DPYSL5: variants seen among roughly 807,000 people sequenced by gnomAD.
DPYSL5 encodes the protein dihydropyrimidinase-related protein 5.
Under a neutral mutation model 58.4 loss-of-function variants are expected in DPYSL5, and 9 were observed. The observed-to-expected ratio is 0.15, with a 90% CI of 0.09 to 0.27. The LOEUF is 0.27. Ranked by LOEUF, DPYSL5 falls within the 10% of genes least tolerant of loss-of-function variation. The probability of loss-of-function intolerance (pLI) is 1.00; values close to 1 mark genes in which losing one functional copy is unlikely to be tolerated. For synonymous variants in DPYSL5, 293 were observed against 301.9 expected (o/e 0.97, Z 0.31); for missense variants, 499 against 770.6 (o/e 0.65, Z 4.17).
intron 1 of DPYSL5, among the ~76,000 whole-genome samples, chr2:26,890,044 T>C (rs1218547073): frequency 6.6e-6 from 1 of 152,136 alleles, no homozygotes; most frequent in Non-Finnish European, 1.5e-5. Flanking sequence ...GGTAGGAATG[T>C]TTGGGAAGGA....
chr2:26,852,052 C>T (rs1665770498), intron 1 of DPYSL5, among the ~76,000 whole-genome samples: 1 of 152,150 alleles, frequency 6.6e-6, no homozygotes, highest in African/African-American at 2.4e-5. Context: ...AGTCTATCTT[C>T]CTGGTGTGAA....
chr2:26,899,263 T>G (rs1664093677), intron 2 of DPYSL5, among the ~76,000 whole-genome samples: 1 of 152,174 alleles, frequency 6.6e-6, no homozygotes, highest in Non-Finnish European at 1.5e-5. Flanking sequence ...GTGGGCTCTC[T>G]TTTCAGAGTG....
At chr2:26,864,899 G>C (rs1666103569) in intron 1 of DPYSL5, among the ~76,000 whole-genome samples, 1 of 152,118 alleles carries the variant, frequency 6.6e-6, no homozygotes, top group Non-Finnish European at 1.5e-5. Context: ...GTGCTGAGGG[G>C]AGTCCAAGGC....
intron 2 of DPYSL5, among the ~76,000 whole-genome samples, chr2:26,918,515 G>C (rs562039790): frequency 2.8e-3 from 419 of 152,174 alleles, no homozygotes; most frequent in African/African-American, 9.7e-3. Context: ...GTGAATAAAA[G>C]ATGGAAGATA....
intron 9 of DPYSL5, 96 bp downstream of exon 9, chr2:26,940,268 C>T: frequency 6.9e-7 from 1 of 1,445,142 alleles, no homozygotes; most frequent in Non-Finnish European, 9.3e-7. Context: ...TCCTCAGATC[C>T]TGTCAAAGAA....
chr2:26,901,293 C>T (rs1664148189), intron 2 of DPYSL5, among the ~76,000 whole-genome samples: 1 of 152,072 alleles, frequency 6.6e-6, no homozygotes, highest in South Asian at 2.1e-4. Context: ...GTCCTTGTGC[C>T]CCAGCCCTCA....
intron 1 of DPYSL5, among the ~76,000 whole-genome samples, chr2:26,889,119 TG>T (rs1663804905): frequency 6.6e-6 from 1 of 152,136 alleles, no homozygotes; most frequent in South Asian, 2.1e-4. Flanking sequence ...GACATATGAA[TG>T]GGACACAAAC....
At position 26,924,757 on chromosome 2, in the gene DPYSL5, C is replaced by T. The variant is rs1285356500; in HGVS notation, c.262-130C>T. 15 of 1,300,568 alleles carry T rather than the reference C, an allele frequency of 1.2e-5. No homozygotes were observed. Among genetic ancestry groups the T allele is most frequent in the Non-Finnish European group, 1.5e-5 (15 of 976,476 alleles). 80.6% of individuals were successfully genotyped at this position (1,300,568 alleles called of 1,614,324 possible). On this transcript the variant is annotated intron_variant, in intron 2 of 12. Transcript: ENST00000288699. The surrounding 1 kb of genome is among the most constrained non-coding windows in gnomAD (Gnocchi z 4.7). ...CTTTACAGTTTCCCAAACCTCGCTG[C>T]CCTTGGTCCTCACAGCCTCTTGTGA... is the stretch of plus-strand genomic sequence containing the variant.
Position 26,947,011 on chromosome 2 carries a change from C to T in DPYSL5, c.*16C>T. 1 of 1,599,378 alleles carries T rather than the reference C, an allele frequency of 6.3e-7. No individual in the cohort carries two copies. The highest frequency in any genetic ancestry group is 1.7e-4 in the Middle Eastern group (1 of 6,036). Reference sequence around the variant, plus strand: ...CATTTGGTAAAGGCATTGCCAAGCCCCCCGAGTGAGGACGCACCGCCGCCA... The same window carrying T: ...CATTTGGTAAAGGCATTGCCAAGCCTCCCGAGTGAGGACGCACCGCCGCCA... On this transcript the variant is annotated 3_prime_UTR_variant, in exon 13 of 13. Coordinates refer to ENST00000288699, the MANE Select transcript of DPYSL5 (RefSeq NM_020134.4). The surrounding 1 kb of genome is among the most constrained non-coding windows in gnomAD (Gnocchi z 4.2).
At chr2:26,864,177 G>A (rs948359550) in intron 1 of DPYSL5, among the ~76,000 whole-genome samples, 3 of 152,170 alleles carry the variant, frequency 2.0e-5, no homozygotes, top group African/African-American at 4.8e-5. Context: ...GCCTGGAGGC[G>A]GAGGTTTCAG....
intron 1 of DPYSL5, among the ~76,000 whole-genome samples, chr2:26,894,645 T>C (rs1265386000): frequency 2.0e-5 from 3 of 152,202 alleles, no homozygotes; most frequent in Non-Finnish European, 4.4e-5. Flanking sequence ...AGACCTTTAA[T>C]CTCTCCCTTG....
intron 1 of DPYSL5, among the ~76,000 whole-genome samples, chr2:26,878,077 A>T (rs1289301493): frequency 6.6e-6 from 1 of 152,238 alleles, no homozygotes; most frequent in Non-Finnish European, 1.5e-5. Flanking sequence ...TTAAGTTTTC[A>T]TGCAGATGTT....
chr2:26,928,700 TATATAC>T (rs1436258802), intron 5 of DPYSL5, among the ~76,000 whole-genome samples: 2 of 43,878 alleles, frequency 4.6e-5, no homozygotes, highest in Admixed American at 1.6e-4. Flanking sequence ...TATATATATA[TATATAC>T]ACACACACAC....
Position 26,924,839 on chromosome 2 carries a change from CG to C in DPYSL5, c.262-43del, listed in dbSNP as rs1485180741. ...ACCATGTCTCACCACATCATTGACT[CG>C]GGGGCAGGCAGGGCTGTGACGAGAC... is the stretch of plus-strand genomic sequence containing the variant. On this transcript the variant is annotated intron_variant, in intron 2 of 12. Transcript: ENST00000288699. This position sits in a 1 kb window ranked among gnomAD's most constrained non-coding sequence, Gnocchi z 4.7. 6.3e-7 allele frequency: 1 copy of C among 1,588,142 alleles called. No homozygotes were observed. The highest frequency in any genetic ancestry group is 1.3e-5 in the African/African-American group (1 of 74,724).
chr2:26,929,498 C>T (rs1294832596), intron 5 of DPYSL5, among the ~76,000 whole-genome samples: 2 of 152,190 alleles, frequency 1.3e-5, no homozygotes, highest in Non-Finnish European at 2.9e-5. Flanking sequence ...TCCCAAAGTG[C>T]TGGGATTACA....
In DPYSL5 at chr2:26,927,244, GTT is replaced by G; in HGVS notation, c.421-8_421-7del. 1 of 1,611,362 alleles carries G rather than the reference GTT, an allele frequency of 6.2e-7. No individual in the cohort carries two copies. The highest frequency in any genetic ancestry group is 8.5e-7 in the Non-Finnish European group (1 of 1,178,594). ...CTCACGCAGCATTGCCCTTCTACTTGTTCTCCAGGTGAAAGCAGAAATGGAGA... is the reference window on the plus strand; with the variant it reads ...CTCACGCAGCATTGCCCTTCTACTTGCTCCAGGTGAAAGCAGAAATGGAGA... On this transcript the variant is annotated splice_region_variant and splice_polypyrimidine_tract_variant and intron_variant, in intron 3 of 12. Transcript: ENST00000288699. This position sits in a 1 kb window ranked among gnomAD's most constrained non-coding sequence, Gnocchi z 4.3.
At chr2:26,853,715 C>T (rs867324848) in intron 1 of DPYSL5, among the ~76,000 whole-genome samples, 35 of 152,158 alleles carry the variant, frequency 2.3e-4, no homozygotes, top group Non-Finnish European at 2.1e-4. Flanking sequence ...GCTCATGGTG[C>T]ACTCTTTACT....
At chr2:26,893,457 T>G (rs1180507421) in intron 1 of DPYSL5, among the ~76,000 whole-genome samples, 1 of 152,216 alleles carries the variant, frequency 6.6e-6, no homozygotes, top group Non-Finnish European at 1.5e-5. Context: ...AGAGAAAATA[T>G]GTTGCTCCCT....
At position 26,924,367 on chromosome 2, in the gene DPYSL5, C is replaced by T. The variant is rs965669586; in HGVS notation, c.262-520C>T. Among the ~76,000 whole-genome samples the T allele has an allele frequency of 2.0e-5, 3 of 152,130 alleles. No individual in the cohort carries two copies. The highest frequency in any genetic ancestry group is 7.2e-5 in the African/African-American group (3 of 41,424). ...AAAATTGCTTCATGAAATTTGAGAG[C>T]ATAAAACAAAACAATATATCCAAAT... On this transcript the variant is annotated intron_variant, in intron 2 of 12. Transcript: ENST00000288699. This position sits in a 1 kb window ranked among gnomAD's most constrained non-coding sequence, Gnocchi z 4.7.
Sources: gnomAD v4.1 joint callset for allele counts (sites outside exome capture counted in the v4.1 genomes callset) on GRCh38, gnomAD v4.1.1 for gene constraint, Gnocchi (gnomAD v3.1) non-coding constraint, MANE v1.5 for transcripts, NCBI Gene and HGNC (gene_info 2026-07-23, HGNC 2026-07-21) for gene names.